The following ANKRD18A variants were observed in gnomAD, a reference collection of about 807,000 sequenced individuals.
ANKRD18A encodes the protein ankyrin repeat domain 18A, also known as ankyrin repeat domain-containing protein 18A.
In ANKRD18A, 72 loss-of-function variants were observed where a neutral mutation model predicts 110.6. That is an observed-to-expected ratio of 0.65 (90% confidence interval 0.54 to 0.79). ANKRD18A has a LOEUF of 0.79. Among genes scored for constraint, ANKRD18A ranks in the 30% least tolerant of loss-of-function variants. The pLI, the probability that ANKRD18A is intolerant of heterozygous loss-of-function variation, is 0.00. For missense variants in ANKRD18A, 934 were observed against 1,163.3 expected (o/e 0.80, Z 2.87); for synonymous variants, 305 against 410.3 (o/e 0.74, Z 3.10).
intron 1 of ANKRD18A, 38 bp downstream of exon 1, chr9:38,620,034 CCGGGCCTG>C: frequency 6.5e-7 from 1 of 1,544,050 alleles, no homozygotes; most frequent in Non-Finnish European, 8.7e-7. Context: ...TGCAGGGAAG[CCGGGCCTG>C]CGGCCCCCTC....
chr9:38,571,093 T>C (rs1042862170), downstream of ANKRD18A: 2 of 1,514,704 alleles, frequency 1.3e-6, no homozygotes, highest in Non-Finnish European at 1.8e-6. Flanking sequence ...CCCAGACAGC[T>C]AGAAGGCCCT....
chr9:38,618,256 C>T (rs1825938222), intron 1 of ANKRD18A, among the ~76,000 whole-genome samples: 1 of 152,002 alleles, frequency 6.6e-6, no homozygotes, highest in South Asian at 2.1e-4. Context: ...GAAAAAGGAA[C>T]AAAAAACTTT....
chr9:38,570,343 T>C (rs1261342584), downstream of ANKRD18A, among the ~76,000 whole-genome samples: 1 of 152,030 alleles, frequency 6.6e-6, no homozygotes, highest in African/African-American at 2.4e-5. Flanking sequence ...CTGAGCCCCC[T>C]CTGACCAGGC....
In ANKRD18A at chr9:38,575,732, T is replaced by C. The variant is rs569794864; in HGVS notation, c.2742-34A>G. ...AGAGCAAAGACAAATGCTTAGTATT[T>C]CATTTTTCCTTGAATGATTCTTAAT... is the stretch of plus-strand genomic sequence containing the variant. On this transcript the variant is annotated intron_variant, in intron 14 of 15. Coordinates refer to ENST00000399703, the MANE Select transcript of ANKRD18A (RefSeq NM_147195.4). 29 of 1,511,486 alleles carry C rather than the reference T, an allele frequency of 1.9e-5. No homozygotes were observed. The Admixed American group carries it at 6.5e-4, about 34-fold the overall frequency. 93.6% of individuals were successfully genotyped at this position (1,511,486 alleles called of 1,614,324 possible).
chr9:38,612,876 T>C (rs867330023), intron 3 of ANKRD18A, among the ~76,000 whole-genome samples: 5 of 151,992 alleles, frequency 3.3e-5, no homozygotes, highest in Middle Eastern at 3.4e-3. Context: ...GCAATATTCA[T>C]AATCTATCCA....
chr9:38,612,422 A>G (rs1329292524), intron 3 of ANKRD18A, among the ~76,000 whole-genome samples: 2 of 152,110 alleles, frequency 1.3e-5, no homozygotes, highest in Non-Finnish European at 2.9e-5. Flanking sequence ...ATCAGAAATA[A>G]AAATACAATG....
At chr9:38,586,541 C>T (rs2118717759) in intron 11 of ANKRD18A, among the ~76,000 whole-genome samples, 1 of 151,614 alleles carries the variant, frequency 6.6e-6, no homozygotes. Flanking sequence ...TGATAATAGC[C>T]ATACAGTTTT....
rs570920104 is a variant in ANKRD18A, at chr9:38,588,054, C to T, written c.2117+497G>A. Among the ~76,000 whole-genome samples the T allele has an allele frequency of 7.2e-5, 11 of 152,294 alleles. No homozygotes were observed. The South Asian group carries it at 2.3e-3, about 32-fold the overall frequency. On this transcript the variant is annotated intron_variant, in intron 11 of 15. Coordinates refer to ENST00000399703, the MANE Select transcript of ANKRD18A (RefSeq NM_147195.4). Reference sequence around the variant, plus strand: ...AGTGAGCCGAGATCGCGTCATTGCACTCCAGCCTGGGTGACAGAGCCAGAC... The same window carrying T: ...AGTGAGCCGAGATCGCGTCATTGCATTCCAGCCTGGGTGACAGAGCCAGAC...
At chr9:38,616,677 A>G (rs574411950) in intron 1 of ANKRD18A, among the ~76,000 whole-genome samples, 9 of 152,292 alleles carry the variant, frequency 5.9e-5, no homozygotes, top group African/African-American at 2.2e-4. Flanking sequence ...GCTGGTCTCA[A>G]ACTCCTAGCA....
At chr9:38,574,005 C>T (rs1272688548) in intron 15 of ANKRD18A, among the ~76,000 whole-genome samples, 3 of 152,038 alleles carry the variant, frequency 2.0e-5, no homozygotes, top group African/African-American at 7.2e-5. Flanking sequence ...GAACCCATCA[C>T]ACAGGTAGTG....
In ANKRD18A at chr9:38,571,699, T is replaced by G. The variant is rs1238783986; in HGVS notation, c.*346A>C. The G allele has an allele frequency of 2.7e-5, 28 of 1,038,102 alleles. 1 individual carries two copies. Among genetic ancestry groups the G allele is most frequent in the Non-Finnish European group, 3.1e-5 (27 of 865,248 alleles). The allele number at this position is 1,038,102 out of a possible 1,614,324, so 64.3% of individuals were successfully genotyped here. ...TAAAGTATCAATGATGACTTGGTTG[T>G]TTGGCTGTTTAAACAGCTGACATTC... On this transcript the variant is annotated 3_prime_UTR_variant, in exon 16 of 16. Coordinates refer to ENST00000399703, the MANE Select transcript of ANKRD18A (RefSeq NM_147195.4).
At chr9:38,612,521 C>CTTTTTTTTTTTTTTT (rs767816627) in intron 3 of ANKRD18A, among the ~76,000 whole-genome samples, 8 of 124,306 alleles carry the variant, frequency 6.4e-5, no homozygotes, top group African/African-American at 1.0e-4. Flanking sequence ...TTTTCTTTTT[C>CTTTTTTTTTTTTTTT]TTTTTTTTTT....
intron 6 of ANKRD18A, chr9:38,604,380 G>A (rs1004014505): frequency 1.3e-5 from 2 of 150,296 alleles, no homozygotes; most frequent in African/African-American, 4.9e-5. Flanking sequence ...AAGAAAAGCA[G>A]CCCTTCCAGC....
Position 38,607,017 on chromosome 9 carries a change from T to C in ANKRD18A, c.808+409A>G, listed in dbSNP as rs191639759. 2.9e-3 allele frequency among the ~76,000 whole-genome samples: 445 copies of C among 152,164 alleles called. 1 individual carries two copies. The highest frequency in any genetic ancestry group is 0.01 in the African/African-American group (426 of 41,572). The stretch of plus-strand genomic sequence containing the variant: ...AAATTAATTTATATATAAACATATA[T>C]ATTTTAAACTGCTCTTTTATGATTA... On this transcript the variant is annotated intron_variant, in intron 6 of 15. Coordinates refer to ENST00000399703, the MANE Select transcript of ANKRD18A (RefSeq NM_147195.4).
At chr9:38,584,695 A>T (rs1824300656) in intron 12 of ANKRD18A, among the ~76,000 whole-genome samples, 1 of 152,188 alleles carries the variant, frequency 6.6e-6, no homozygotes, top group South Asian at 2.1e-4. Flanking sequence ...GGAAAAATAT[A>T]TACATACATA....
At chr9:38,576,255 A>C (rs1231569666) in intron 14 of ANKRD18A, among the ~76,000 whole-genome samples, 4 of 152,206 alleles carry the variant, frequency 2.6e-5, no homozygotes, top group African/African-American at 7.2e-5. Context: ...ATTCTCTAAG[A>C]ACACTTAAGT....
chr9:38,582,491 G>A (rs3005817), intron 12 of ANKRD18A, among the ~76,000 whole-genome samples: 2,204 of 152,130 alleles, frequency 0.014, 37 homozygotes, highest in African/African-American at 0.046. Flanking sequence ...TTTGGTCCTC[G>A]TATAAGAATA....
intron 6 of ANKRD18A, among the ~76,000 whole-genome samples, chr9:38,606,694 A>C (rs1274067892): frequency 6.6e-6 from 1 of 152,194 alleles, no homozygotes; most frequent in African/African-American, 2.4e-5. Context: ...TAACCCCCAC[A>C]ATATTCAAGA....
intron 11 of ANKRD18A, 133 bp from the exon 12 acceptor site, chr9:38,586,445 A>C: frequency 1.3e-6 from 1 of 771,610 alleles, no homozygotes; most frequent in Non-Finnish European, 2.0e-6. Context: ...TTTCAACTGA[A>C]CATAGTTTGA....
Sources: gnomAD v4.1 joint callset for allele counts (sites outside exome capture counted in the v4.1 genomes callset) on GRCh38, gnomAD v4.1.1 for gene constraint, MANE v1.5 for transcripts, NCBI Gene and HGNC (gene_info 2026-07-23, HGNC 2026-07-21) for gene names.